Variants in EPHA6 observed in about 807,000 individuals in gnomAD.
EPHA6 encodes ephrin type-A receptor 6.
In EPHA6, 50 loss-of-function variants were observed where a neutral mutation model predicts 112.0. That is an observed-to-expected ratio of 0.45 (90% CI 0.36 to 0.56). EPHA6 has a LOEUF of 0.56. Among genes scored for constraint, EPHA6 ranks in the 20% least tolerant of loss-of-function variants. The pLI is 0.00. For synonymous variants in EPHA6, 529 were observed against 490.7 expected (o/e 1.08, Z -1.03); for missense variants, 1,280 against 1,417.4 (o/e 0.90, Z 1.56).
At chr3:96,997,827 G>A (rs1363796048) in intron 3 of EPHA6, among the ~76,000 whole-genome samples, 1 of 151,936 alleles carries the variant, frequency 6.6e-6, no homozygotes, top group East Asian at 1.9e-4. Context: ...ACACACTTTT[G>A]GAAAAATGGC....
At chr3:97,503,879 T>C (rs1448959425) in intron 10 of EPHA6, among the ~76,000 whole-genome samples, 1 of 152,194 alleles carries the variant, frequency 6.6e-6, no homozygotes. Context: ...TTACTGCTTT[T>C]TTATAACAAT....
chr3:97,590,345 T>G (rs1009420796), intron 11 of EPHA6: 6 of 152,198 alleles, frequency 3.9e-5, no homozygotes, highest in Non-Finnish European at 8.8e-5. Flanking sequence ...AAGCTGCTAT[T>G]AACTATGACA....
At chr3:97,204,102 G>A (rs1356520776) in intron 3 of EPHA6, among the ~76,000 whole-genome samples, 1 of 152,090 alleles carries the variant, frequency 6.6e-6, no homozygotes, top group Non-Finnish European at 1.5e-5. Flanking sequence ...AAACTTAGAA[G>A]AGTTAAGAAC....
chr3:97,310,032 C>T (rs1449137691), intron 5 of EPHA6, among the ~76,000 whole-genome samples: 1 of 151,472 alleles, frequency 6.6e-6, no homozygotes, highest in Non-Finnish European at 1.5e-5. Flanking sequence ...CCTAAAGATT[C>T]ATTAATAAAT....
chr3:97,132,748 C>T (rs1293278695), intron 3 of EPHA6, among the ~76,000 whole-genome samples: 1 of 151,952 alleles, frequency 6.6e-6, no homozygotes, highest in Non-Finnish European at 1.5e-5. Context: ...TAGAATATTC[C>T]ACATCCCCTA....
chr3:96,886,678 A>G (rs1023814775), intron 2 of EPHA6, among the ~76,000 whole-genome samples: 1 of 151,986 alleles, frequency 6.6e-6, no homozygotes, highest in African/African-American at 2.4e-5. Context: ...TTTACATTCC[A>G]TGTTAGTATT....
At chr3:97,385,041 G>A (rs2085978704) in intron 5 of EPHA6, among the ~76,000 whole-genome samples, 1 of 152,166 alleles carries the variant, frequency 6.6e-6, no homozygotes, top group African/African-American at 2.4e-5. Flanking sequence ...AGACTAAGTT[G>A]CTGAACACAG....
At chr3:97,208,461 G>A (rs994601673) in intron 3 of EPHA6, among the ~76,000 whole-genome samples, 4 of 152,052 alleles carry the variant, frequency 2.6e-5, no homozygotes, top group African/African-American at 7.2e-5. Flanking sequence ...ATGGAGGGCC[G>A]CAGGCTGGGT....
At chr3:97,284,330 C>A (rs188835439) in intron 5 of EPHA6, among the ~76,000 whole-genome samples, 6 of 151,840 alleles carry the variant, frequency 4.0e-5, no homozygotes, top group Admixed American at 3.9e-4. Flanking sequence ...ATCTTTTTTC[C>A]TTTTTTATGC....
At chr3:97,679,478 G>A (rs983107053) in intron 14 of EPHA6, among the ~76,000 whole-genome samples, 3 of 152,110 alleles carry the variant, frequency 2.0e-5, no homozygotes, top group African/African-American at 7.2e-5. Context: ...AAGGTTGCAG[G>A]AAGCTGTTTA....
At chr3:96,962,286 T>C (rs1185588821) in intron 2 of EPHA6, among the ~76,000 whole-genome samples, 1 of 151,920 alleles carries the variant, frequency 6.6e-6, no homozygotes, top group Non-Finnish European at 1.5e-5. Flanking sequence ...ATGGAGAGCA[T>C]TGAATGCCAT....
intron 10 of EPHA6, among the ~76,000 whole-genome samples, chr3:97,513,147 T>G: frequency 6.6e-6 from 1 of 152,204 alleles, no homozygotes; most frequent in East Asian, 1.9e-4. Flanking sequence ...ACTAGGGAAT[T>G]AAAAAGAAGA....
chr3:97,038,920 C>G (rs1318200480), intron 3 of EPHA6, among the ~76,000 whole-genome samples: 2 of 152,028 alleles, frequency 1.3e-5, no homozygotes, highest in Admixed American at 1.3e-4. Context: ...CCCAGGAACT[C>G]TCTTCTTCAA....
chr3:97,009,979 A>G, intron 3 of EPHA6: 1 of 743,088 alleles, frequency 1.3e-6, no homozygotes, highest in South Asian at 1.4e-5. Flanking sequence ...TCACATGCTT[A>G]TCATTGTTTT....
chr3:97,157,071 G>A (rs1026197771), intron 3 of EPHA6, among the ~76,000 whole-genome samples: 2 of 152,084 alleles, frequency 1.3e-5, no homozygotes, highest in Admixed American at 6.6e-5. Context: ...TATATCTGTT[G>A]TAGGGGATCT....
At chr3:97,210,954 C>T (rs879470617) in intron 3 of EPHA6, among the ~76,000 whole-genome samples, 3 of 152,132 alleles carry the variant, frequency 2.0e-5, no homozygotes, top group Admixed American at 2.0e-4. Flanking sequence ...GAGCAAAGAA[C>T]CTAAATTCTC....
intron 5 of EPHA6, among the ~76,000 whole-genome samples, chr3:97,296,788 G>A: frequency 6.6e-6 from 1 of 152,128 alleles, no homozygotes; most frequent in Non-Finnish European, 1.5e-5. Context: ...CTCAGGGGCA[G>A]CCTACTCAGT....
At chr3:97,428,745 G>T (rs758630748) in intron 6 of EPHA6, among the ~76,000 whole-genome samples, 4 of 152,096 alleles carry the variant, frequency 2.6e-5, no homozygotes, top group Non-Finnish European at 4.4e-5. Flanking sequence ...ATTACCTGAA[G>T]GTTCACCTGA....
Position 97,714,618 on chromosome 3 carries a change from G to A in EPHA6, c.2785-5643G>A, listed in dbSNP as rs367906053. ...ACTAGGAAGTGATGCACGAGAGATG[G>A]ATTTCTTTCTCAAGATCAGTGATTC... is the stretch of plus-strand genomic sequence containing the variant. On this transcript the variant is annotated intron_variant, in intron 14 of 17. Transcript: ENST00000389672. Among the ~76,000 whole-genome samples, 2 of 152,192 alleles carry A rather than the reference G, an allele frequency of 1.3e-5. 1 individual carries two copies. The highest frequency in any genetic ancestry group is 4.8e-5 in the African/African-American group (2 of 41,448).
Sources: gnomAD v4.1 joint callset for allele counts (sites outside exome capture counted in the v4.1 genomes callset) on GRCh38, gnomAD v4.1.1 for gene constraint, MANE v1.5 for transcripts, NCBI Gene and HGNC (gene_info 2026-07-23, HGNC 2026-07-21) for gene names.